VWA8: variants seen among roughly 807,000 people sequenced by gnomAD.
The protein encoded by VWA8 is von Willebrand factor A domain containing 8, also known as von Willebrand factor A domain-containing protein 8.
In VWA8, 221 loss-of-function variants were observed where a neutral mutation model predicts 241.5. That is an observed-to-expected ratio of 0.91 (90% CI 0.82 to 1.02). The LOEUF (loss-of-function observed/expected upper bound fraction) is 1.02. VWA8 is among the 50% of genes least tolerant of loss of function. The pLI is 0.00. For synonymous variants in VWA8, 852 were observed against 827.1 expected (o/e 1.03, Z -0.52); for missense variants, 2,322 against 2,328.7 (o/e 1.00, Z 0.06).
chr13:41,807,457 C>T (rs961516216), intron 17 of VWA8, among the ~76,000 whole-genome samples: 1 of 152,106 alleles, frequency 6.6e-6, no homozygotes, highest in African/African-American at 2.4e-5. Flanking sequence ...TAGTAGCAAG[C>T]CAAACTCAAC....
intron 43 of VWA8, among the ~76,000 whole-genome samples, chr13:41,574,006 T>G (rs1218469638): frequency 1.3e-5 from 2 of 152,118 alleles, no homozygotes; most frequent in East Asian, 3.8e-4. Context: ...ATGCTTGAGG[T>G]GATGGATTTC....
chr13:41,775,772 C>G (rs1868565602), intron 20 of VWA8, among the ~76,000 whole-genome samples: 1 of 152,166 alleles, frequency 6.6e-6, no homozygotes. Flanking sequence ...TAGGACAATT[C>G]CAAAACACTT....
At chr13:41,860,353 T>C (rs1872951459) in intron 12 of VWA8, among the ~76,000 whole-genome samples, 1 of 152,214 alleles carries the variant, frequency 6.6e-6, no homozygotes. Context: ...TGACAGGATA[T>C]GTACAAAGGA....
At chr13:41,804,456 A>G (rs1316906920) in intron 17 of VWA8, among the ~76,000 whole-genome samples, 3 of 152,176 alleles carry the variant, frequency 2.0e-5, no homozygotes, top group Non-Finnish European at 2.9e-5. Flanking sequence ...TTTCCCAGAC[A>G]AACAAAAGTG....
chr13:41,627,763 C>T (rs1328061289), intron 37 of VWA8, among the ~76,000 whole-genome samples: 1 of 152,132 alleles, frequency 6.6e-6, no homozygotes, highest in African/African-American at 2.4e-5. Context: ...AACTACCCTG[C>T]CTCCACTAGA....
intron 35 of VWA8, among the ~76,000 whole-genome samples, chr13:41,681,786 C>T (rs1011514121): frequency 6.6e-6 from 1 of 152,048 alleles, no homozygotes; most frequent in South Asian, 2.1e-4. Flanking sequence ...GACAAGGGCA[C>T]CTAATATAGA....
intron 20 of VWA8, among the ~76,000 whole-genome samples, chr13:41,765,073 G>A (rs1262196545): frequency 2.6e-5 from 4 of 151,938 alleles, no homozygotes; most frequent in Non-Finnish European, 5.9e-5. Flanking sequence ...CTTAATGAGG[G>A]CCTGGAGTTA....
At chr13:41,590,873 T>C in intron 40 of VWA8, 108 bp from the exon 41 acceptor site, 1 of 1,401,712 alleles carries the variant, frequency 7.1e-7, no homozygotes, top group Non-Finnish European at 9.9e-7. Flanking sequence ...TTTCAGTAAG[T>C]GATGGTTCTG....
chr13:41,698,135 T>C (rs1318434391), intron 29 of VWA8, among the ~76,000 whole-genome samples: 2 of 152,134 alleles, frequency 1.3e-5, no homozygotes, highest in African/African-American at 4.8e-5. Flanking sequence ...ATTTAAGATA[T>C]AATTATTTAT....
intron 21 of VWA8, among the ~76,000 whole-genome samples, chr13:41,753,263 G>A (rs1269042937): frequency 6.6e-6 from 1 of 152,096 alleles, no homozygotes; most frequent in Non-Finnish European, 1.5e-5. Context: ...GATTGGACCT[G>A]TGCTGTCCTC....
chr13:41,696,137 A>C (rs1297579944), intron 29 of VWA8: 1 of 152,220 alleles, frequency 6.6e-6, no homozygotes, highest in Non-Finnish European at 1.5e-5. Context: ...GAAAATCTTT[A>C]AAGTAAAACC....
At chr13:41,850,061 G>A (rs963951622) in intron 12 of VWA8, among the ~76,000 whole-genome samples, 4 of 152,056 alleles carry the variant, frequency 2.6e-5, no homozygotes, top group Non-Finnish European at 5.9e-5. Flanking sequence ...CAACTTCACC[G>A]ATCATCAAGA....
intron 26 of VWA8, among the ~76,000 whole-genome samples, chr13:41,707,272 T>G (rs550123407): frequency 6.6e-6 from 1 of 152,298 alleles, no homozygotes; most frequent in African/African-American, 2.4e-5. Context: ...GTGAGCTGGG[T>G]TTTAAAGAGT....
intron 24 of VWA8, among the ~76,000 whole-genome samples, chr13:41,721,987 TTAGA>T (rs1333198295): frequency 6.6e-6 from 1 of 152,160 alleles, no homozygotes; most frequent in Non-Finnish European, 1.5e-5. Flanking sequence ...CAAACAGAGT[TTAGA>T]TAATTTATTC....
chr13:41,906,890 G>C (rs1338325401), intron 4 of VWA8, among the ~76,000 whole-genome samples: 1 of 148,198 alleles, frequency 6.7e-6, no homozygotes, highest in African/African-American at 2.4e-5. Context: ...CAATCTGAGA[G>C]GTAAAAGAAA....
intron 21 of VWA8, 118 bp from the exon 22 acceptor site, chr13:41,732,273 CT>C: frequency 5.0e-6 from 4 of 799,524 alleles, no homozygotes; most frequent in Non-Finnish European, 7.7e-6. Context: ...CCTGCTTCCC[CT>C]TCCCCCACCA....
Position 41,672,705 on chromosome 13 carries a change from G to A in VWA8, c.4410-1558C>T, listed in dbSNP as rs369493340. 3.3e-3 allele frequency among the ~76,000 whole-genome samples: 505 copies of A among 152,296 alleles called. 3 individuals are homozygous for A. The highest frequency in any genetic ancestry group is 0.017 in the Middle Eastern group (5 of 294). On this transcript the variant is annotated intron_variant, in intron 36 of 44. Transcript: ENST00000379310. ...AGAAAATGTTCATATGAGAACAACAGTGGGATGGGACCATATGTTCTGAGC... is the reference window on the plus strand; with the variant it reads ...AGAAAATGTTCATATGAGAACAACAATGGGATGGGACCATATGTTCTGAGC...
intron 2 of VWA8, among the ~76,000 whole-genome samples, chr13:41,947,931 C>CAAAAAAAAAA (rs1218456579): frequency 2.0e-4 from 4 of 20,432 alleles, no homozygotes; most frequent in African/African-American, 3.5e-4. Flanking sequence ...GACCCTGTCT[C>CAAAAAAAAAA]AAAAAAAAAA....
chr13:41,824,645 T>C (rs985950637), intron 14 of VWA8, among the ~76,000 whole-genome samples: 1 of 151,636 alleles, frequency 6.6e-6, no homozygotes, highest in African/African-American at 2.4e-5. Context: ...CTGGGCAACA[T>C]AGAGAGACCA....
Sources: allele counts gnomAD v4.1 joint callset (sites outside exome capture counted in the v4.1 genomes callset), GRCh38; gene constraint gnomAD v4.1.1; transcripts MANE v1.5; gene names NCBI Gene and HGNC (gene_info 2026-07-23, HGNC 2026-07-21).